SEMA6D: variants seen among roughly 807,000 people sequenced by gnomAD.
SEMA6D encodes the protein semaphorin 6D.
A neutral mutation model predicts 106.6 loss-of-function variants in SEMA6D; 35 were observed. The observed-to-expected ratio is 0.33, with a 90% CI of 0.25 to 0.44. SEMA6D has a LOEUF of 0.44. Ranked by LOEUF, SEMA6D falls within the 20% of genes least tolerant of loss-of-function variation. The probability of loss-of-function intolerance (pLI) is 1.00; values close to 1 mark genes in which losing one functional copy is unlikely to be tolerated. For synonymous variants in SEMA6D, 499 were observed against 487.7 expected (o/e 1.02, Z -0.31); for missense variants, 1,185 against 1,345.9 (o/e 0.88, Z 1.87).
In SEMA6D at chr15:47,720,620, TGTC is replaced by T. The variant is rs778993705; in HGVS notation, c.-55+2931_-55+2933del. Among the ~76,000 whole-genome samples, 6 of 152,160 alleles carry T rather than the reference TGTC, an allele frequency of 3.9e-5. No individual in the cohort carries two copies. In the East Asian group the frequency reaches 7.7e-4, roughly 20 times the overall value. ...TGGGGTAAGCAGGCCCCTACATCAA[TGTC>T]GTGGTTTCTGTCGCTTGAAAGGCCA... On this transcript the variant is annotated intron_variant, in intron 1 of 18. Transcript: ENST00000536845.
At position 47,770,498 on chromosome 15, in the gene SEMA6D, T is replaced by C. The variant is rs772270717; in HGVS notation, c.1935T>C (p.Gly645=). The change falls in exon 19 of 19, where the codon GGT becomes GGC. Residue 645 remains glycine, a splice_region_variant and synonymous_variant. Coordinates refer to ENST00000536845, the MANE Select transcript of SEMA6D (RefSeq NM_001358351.3). ...FTDPLSGIPK[G]VRWEVQSGES... is the part of the protein sequence containing the mutation. Reference sequence around the variant, plus strand: ...CATTGTCCCATGTGTCTATTTCAGGTGTACGATGGGAAGTCCAGTCTGGAG... The same window carrying C: ...CATTGTCCCATGTGTCTATTTCAGGCGTACGATGGGAAGTCCAGTCTGGAG... The C allele has an allele frequency of 1.9e-6, 3 of 1,581,158 alleles. No individual in the cohort carries two copies. Among genetic ancestry groups the C allele is most frequent in the Non-Finnish European group, 2.6e-6 (3 of 1,158,640 alleles).
chr15:47,271,121 C>A (rs182589514), intron 1 of SEMA6D, among the ~76,000 whole-genome samples: 84 of 152,252 alleles, frequency 5.5e-4, no homozygotes, highest in African/African-American at 1.7e-3. Context: ...TGTATTATTT[C>A]ATGGTTTTTT....
intron 1 of SEMA6D, among the ~76,000 whole-genome samples, chr15:47,367,718 AC>A (rs67314279): frequency 0.48 from 60,741 of 127,046 alleles, 15,334 homozygotes; most frequent in Non-Finnish European, 0.56. Context: ...ACACACACAC[AC>A]ACACACACAG....
intron 1 of SEMA6D, among the ~76,000 whole-genome samples, chr15:47,361,320 C>T (rs2038795424): frequency 6.6e-6 from 1 of 152,196 alleles, no homozygotes; most frequent in Non-Finnish European, 1.5e-5. Flanking sequence ...GGATACTACC[C>T]ATAAGGCCAC....
chr15:47,547,892 A>G (rs567340795), intron 3 of SEMA6D, among the ~76,000 whole-genome samples: 1 of 152,086 alleles, frequency 6.6e-6, no homozygotes, highest in African/African-American at 2.4e-5. Context: ...AGAAAAGACA[A>G]CTCCATTTTC....
At chr15:47,201,144 T>C (rs1279394028) in intron 1 of SEMA6D, among the ~76,000 whole-genome samples, 2 of 152,238 alleles carry the variant, frequency 1.3e-5, no homozygotes, top group African/African-American at 2.4e-5. Context: ...TACTTCCAAA[T>C]AATTTATTTC....
At position 47,771,230 on chromosome 15, in the gene SEMA6D, A is replaced by T; in HGVS notation, c.2667A>T (p.Pro889=). The change falls in exon 19 of 19, where the codon CCA becomes CCT. Residue 889 remains proline, a synonymous_variant. Transcript: ENST00000536845. ...LNDLLKHLND[P]NSNPKAIMGD... is the part of the protein sequence containing the mutation. ...ATCTCCTGAAGCATCTGAATGACCC[A>T]AATAGTAACCCCAAAGCCATCATGG... 3 of 1,614,096 alleles carry T rather than the reference A, an allele frequency of 1.9e-6. No homozygotes were observed. Among genetic ancestry groups the T allele is most frequent in the Non-Finnish European group, 2.5e-6 (3 of 1,179,980 alleles).
At chr15:47,584,990 A>G (rs150602349) in intron 3 of SEMA6D, among the ~76,000 whole-genome samples, 7 of 152,348 alleles carry the variant, frequency 4.6e-5, no homozygotes, top group African/African-American at 1.7e-4. Flanking sequence ...CCCCACAGGC[A>G]TCGGAGATTT....
intron 4 of SEMA6D, among the ~76,000 whole-genome samples, chr15:47,668,333 A>AC (rs1205638168): frequency 6.6e-6 from 1 of 152,212 alleles, no homozygotes; most frequent in East Asian, 1.9e-4. Context: ...GGAAAACATT[A>AC]AGACAAAAAA....
chr15:47,766,977 T>A, intron 16 of SEMA6D, 60 bp from the exon 17 acceptor site: 1 of 978,426 alleles, frequency 1.0e-6, no homozygotes, highest in Non-Finnish European at 1.5e-6. Context: ...TTGGAATTCA[T>A]AAATTTTTGC....
At chr15:47,272,740 G>A (rs2034613253) in intron 1 of SEMA6D, 1 of 152,494 alleles carries the variant, frequency 6.6e-6, no homozygotes, top group Non-Finnish European at 1.5e-5. Context: ...ATTGGGTGGA[G>A]GAGGACGAAC....
intron 11 of SEMA6D, 144 bp downstream of exon 11, chr15:47,764,449 T>C: frequency 7.9e-7 from 1 of 1,263,842 alleles, no homozygotes; most frequent in African/African-American, 1.5e-5. Flanking sequence ...CATAGCCTTG[T>C]GACCTGCAAG....
intron 1 of SEMA6D, among the ~76,000 whole-genome samples, chr15:47,411,671 A>G (rs1485902796): frequency 6.6e-6 from 1 of 152,126 alleles, no homozygotes; most frequent in Non-Finnish European, 1.5e-5. Context: ...GAGGCTTCAT[A>G]GAACTCCTAG....
In SEMA6D at chr15:47,507,339, AC is replaced by A. The variant is rs201710301; in HGVS notation, c.-87+36803del. 6.2e-3 allele frequency among the ~76,000 whole-genome samples: 740 copies of A among 118,464 alleles called. 10 individuals carry two copies. The highest frequency in any genetic ancestry group is 0.033 in the Admixed American group (376 of 11,336). The allele number at this position is 118,464 out of a possible 152,430, so 77.7% of individuals were successfully genotyped here. ...GCTCTTCTGGGCTCTCAAGTGGGAC[AC>A]CCCCCCCCACCCCCCCGGGCCTTAT... On this transcript the variant is annotated intron_variant, in intron 3 of 19. Coordinates refer to the SEMA6D transcript ENST00000558014.
At chr15:47,335,679 T>C (rs1308411644) in intron 1 of SEMA6D, among the ~76,000 whole-genome samples, 1 of 152,182 alleles carries the variant, frequency 6.6e-6, no homozygotes, top group Non-Finnish European at 1.5e-5. Flanking sequence ...TTACCTGATT[T>C]GTGGTCTCAA....
chr15:47,675,010 C>G (rs1421563984), intron 4 of SEMA6D, among the ~76,000 whole-genome samples: 1 of 152,180 alleles, frequency 6.6e-6, no homozygotes, highest in Non-Finnish European at 1.5e-5. Flanking sequence ...GCAAATAAAA[C>G]AGGCTAAGTT....
intron 3 of SEMA6D, among the ~76,000 whole-genome samples, chr15:47,596,801 A>C (rs2076545828): frequency 6.6e-6 from 1 of 152,122 alleles, no homozygotes; most frequent in Non-Finnish European, 1.5e-5. Flanking sequence ...AAGGGCTCAA[A>C]TGTAAGTTCT....
chr15:47,624,841 T>C lies in SEMA6D; in HGVS notation c.-55+23945T>C, dbSNP rs138962460. 8.5e-5 allele frequency among the ~76,000 whole-genome samples: 13 copies of C among 152,142 alleles called. No individual in the cohort carries two copies. In the East Asian group the frequency reaches 2.1e-3, roughly 25 times the overall value. ...CTTTAGCAGAGTAAGGCATCTACTT[T>C]CAGTCACCAAGTGATAAACTAATGA... On this transcript the variant is annotated intron_variant, in intron 4 of 19. Transcript: ENST00000558014.
chr15:47,290,345 C>T (rs149098620), intron 1 of SEMA6D, among the ~76,000 whole-genome samples: 4 of 152,176 alleles, frequency 2.6e-5, no homozygotes, highest in African/African-American at 7.2e-5. Flanking sequence ...CTCACATTCT[C>T]AGAGGGCAAT....
Sources: allele counts gnomAD v4.1 joint callset (sites outside exome capture counted in the v4.1 genomes callset), GRCh38; gene constraint gnomAD v4.1.1; transcripts MANE v1.5; gene names NCBI Gene and HGNC (gene_info 2026-07-23, HGNC 2026-07-21).